SPOCK1: variants seen among roughly 807,000 people sequenced by gnomAD.
SPOCK1 encodes the protein testican-1.
A neutral mutation model predicts 55.3 loss-of-function variants in SPOCK1; 23 were observed. The observed-to-expected ratio is 0.42, with a 90% CI of 0.30 to 0.59. The LOEUF is 0.59. SPOCK1 is among the 20% of genes least tolerant of loss of function. The pLI is 0.22. For synonymous variants in SPOCK1, 226 were observed against 221.0 expected, an observed-to-expected ratio of 1.02 and a Z score of -0.20; for missense variants, 499 against 552.5, an observed-to-expected ratio of 0.90 and a Z score of 0.97.
intron 3 of SPOCK1, among the ~76,000 whole-genome samples, chr5:137,180,494 A>C (rs181025287): frequency 4.6e-5 from 7 of 152,154 alleles, no homozygotes; most frequent in African/African-American, 1.7e-4. Flanking sequence ...GGGAACATGA[A>C]ATTCAAAGAA....
At chr5:137,347,295 G>A (rs1042764650) in intron 2 of SPOCK1, among the ~76,000 whole-genome samples, 4 of 152,254 alleles carry the variant, frequency 2.6e-5, no homozygotes, top group African/African-American at 9.6e-5. Flanking sequence ...CCAGTGCTCT[G>A]AGCTCAAAGA....
At chr5:137,093,290 G>C (rs917373511) in intron 5 of SPOCK1, among the ~76,000 whole-genome samples, 1 of 152,138 alleles carries the variant, frequency 6.6e-6, no homozygotes, top group Non-Finnish European at 1.5e-5. Context: ...ATCCTCACTG[G>C]GGGCTGAAGA....
intron 3 of SPOCK1, among the ~76,000 whole-genome samples, chr5:137,187,614 T>A (rs1307002506): frequency 6.6e-6 from 1 of 152,148 alleles, no homozygotes; most frequent in Non-Finnish European, 1.5e-5. Flanking sequence ...CATACATGTA[T>A]GGAGTACCCA....
intron 2 of SPOCK1, among the ~76,000 whole-genome samples, chr5:137,443,568 C>T (rs1053783408): frequency 6.6e-6 from 1 of 152,162 alleles, no homozygotes; most frequent in African/African-American, 2.4e-5. Flanking sequence ...TTCAGGTCCA[C>T]ACTTGACTCC....
chr5:137,304,493 G>C (rs538319767), intron 2 of SPOCK1, among the ~76,000 whole-genome samples: 2 of 152,142 alleles, frequency 1.3e-5, no homozygotes, highest in Admixed American at 6.5e-5. Context: ...TGTGCGGGGC[G>C]GGGGGACAGG....
At chr5:137,388,194 TCA>T (rs1398389320) in intron 2 of SPOCK1, among the ~76,000 whole-genome samples, 2 of 152,210 alleles carry the variant, frequency 1.3e-5, no homozygotes, top group Non-Finnish European at 2.9e-5. Context: ...AAGAGTCTGT[TCA>T]CACACACATT....
intron 6 of SPOCK1, among the ~76,000 whole-genome samples, chr5:137,053,364 G>A (rs1752242441): frequency 6.6e-6 from 1 of 152,104 alleles, no homozygotes; most frequent in Non-Finnish European, 1.5e-5. Context: ...TGGCTCCTGA[G>A]GCCATCTCTG....
At position 137,340,918 on chromosome 5, in the gene SPOCK1, G is replaced by A. The variant is rs1750407773; in HGVS notation, c.187-73863C>T. 2.0e-5 allele frequency among the ~76,000 whole-genome samples: 3 copies of A among 150,628 alleles called. No homozygotes were observed. In the South Asian group the frequency reaches 6.3e-4, roughly 31 times the overall value. On this transcript the variant is annotated intron_variant, in intron 2 of 10. Transcript: ENST00000394945. Reference sequence around the variant, plus strand: ...AAAAGGAAGAAGATTGAGGCCCACAGTGGCTGTCTGACTTGCCCAAAATCC... The same window carrying A: ...AAAAGGAAGAAGATTGAGGCCCACAATGGCTGTCTGACTTGCCCAAAATCC...
intron 6 of SPOCK1, among the ~76,000 whole-genome samples, chr5:136,999,467 G>A (rs1240634111): frequency 6.6e-6 from 1 of 152,090 alleles, no homozygotes; most frequent in Non-Finnish European, 1.5e-5. Flanking sequence ...TTCAAAACAG[G>A]TAATGGTTTT....
intron 2 of SPOCK1, among the ~76,000 whole-genome samples, chr5:137,393,355 A>G (rs536793641): frequency 6.6e-6 from 1 of 152,296 alleles, no homozygotes; most frequent in South Asian, 2.1e-4. Context: ...CACCATGAGA[A>G]CATGCCTGAG....
intron 6 of SPOCK1, among the ~76,000 whole-genome samples, chr5:137,020,641 T>C (rs1471856690): frequency 6.6e-6 from 1 of 151,822 alleles, no homozygotes; most frequent in Non-Finnish European, 1.5e-5. Flanking sequence ...GCCCACAAAC[T>C]GGGAGAGGAT....
intron 3 of SPOCK1, among the ~76,000 whole-genome samples, chr5:137,205,874 C>T (rs1461251612): frequency 6.6e-6 from 1 of 152,202 alleles, no homozygotes; most frequent in African/African-American, 2.4e-5. Context: ...TAAATTAATT[C>T]ATCTAGTCCT....
intron 2 of SPOCK1, among the ~76,000 whole-genome samples, chr5:137,486,042 G>A (rs1024770726): frequency 6.6e-6 from 1 of 152,176 alleles, no homozygotes; most frequent in African/African-American, 2.4e-5. Context: ...TAAGGGCAGG[G>A]TATGTTTTCC....
chr5:137,226,161 C>T (rs2127090617), intron 3 of SPOCK1, among the ~76,000 whole-genome samples: 1 of 152,332 alleles, frequency 6.6e-6, no homozygotes. Flanking sequence ...AATTCTGCAG[C>T]ACAGTGATTC....
intron 2 of SPOCK1, among the ~76,000 whole-genome samples, chr5:137,468,816 C>T (rs547652625): frequency 1.3e-5 from 2 of 152,264 alleles, no homozygotes; most frequent in African/African-American, 4.8e-5. Context: ...CAGTTACATG[C>T]TTTCCTGGGT....
chr5:137,277,751 G>A (rs1368755467), intron 2 of SPOCK1, among the ~76,000 whole-genome samples: 1 of 152,218 alleles, frequency 6.6e-6, no homozygotes, highest in East Asian at 1.9e-4. Context: ...TCTGCCCCAA[G>A]AAAGCAGGCA....
At chr5:137,020,510 G>A (rs1371746885) in intron 6 of SPOCK1, among the ~76,000 whole-genome samples, 1 of 151,806 alleles carries the variant, frequency 6.6e-6, no homozygotes, top group African/African-American at 2.4e-5. Context: ...AGGTCGGGAA[G>A]GATTTTCAAG....
intron 6 of SPOCK1, among the ~76,000 whole-genome samples, chr5:137,042,334 A>G (rs1752015102): frequency 6.6e-6 from 1 of 152,220 alleles, no homozygotes; most frequent in Non-Finnish European, 1.5e-5. Flanking sequence ...GATGAAGCAC[A>G]GAGAATATTT....
chr5:137,275,389 T>C (rs1029176218), intron 2 of SPOCK1, among the ~76,000 whole-genome samples: 3 of 152,168 alleles, frequency 2.0e-5, no homozygotes, highest in Admixed American at 6.5e-5. Flanking sequence ...CCCTCCCCAC[T>C]TATCCTCTCA....
Sources: allele counts gnomAD v4.1 joint callset (sites outside exome capture counted in the v4.1 genomes callset), GRCh38; gene constraint gnomAD v4.1.1; transcripts MANE v1.5; gene names NCBI Gene and HGNC (gene_info 2026-07-23, HGNC 2026-07-21).